The following ZNF142 variants were observed in gnomAD, a reference collection of about 807,000 sequenced individuals.
ZNF142 encodes the protein zinc finger protein 142.
In ZNF142, 96 loss-of-function variants were observed where a neutral mutation model predicts 132.1. The ratio of observed to expected loss-of-function variants is 0.73; its 90% confidence interval spans 0.62 to 0.86. The LOEUF (loss-of-function observed/expected upper bound fraction) is 0.86, where lower values mean the gene tolerates loss of function less well. Ranked by LOEUF, ZNF142 falls within the 40% of genes least tolerant of loss-of-function variation. The probability of loss-of-function intolerance (pLI) is 0.00; values close to 1 mark genes in which losing one functional copy is unlikely to be tolerated. For synonymous variants in ZNF142, 842 were observed against 890.1 expected (o/e 0.95, Z 0.96); for missense variants, 2,163 against 2,336.2 (o/e 0.93, Z 1.53).
intron 10 of ZNF142, among the ~76,000 whole-genome samples, chr2:218,639,451 G>A (rs1696984440): frequency 6.6e-6 from 1 of 152,138 alleles, no homozygotes; most frequent in South Asian, 2.1e-4. Flanking sequence ...TTCCCCATGG[G>A]AAATTATAAC....
At position 218,634,735 on chromosome 2, in the gene ZNF142, A is replaced by G; in HGVS notation, c.*3604T>C. 2 of 1,321,686 alleles carry G rather than the reference A, an allele frequency of 1.5e-6. No homozygotes were observed. The highest frequency in any genetic ancestry group is 2.1e-6 in the Non-Finnish European group (2 of 958,446). 81.9% of individuals were successfully genotyped at this position (1,321,686 alleles called of 1,614,324 possible). A position where few individuals can be genotyped will look rare whatever the true frequency, so the allele number is the denominator to read the frequency against. On this transcript the variant is annotated 3_prime_UTR_variant, in exon 11 of 11. Coordinates refer to ENST00000411696, the MANE Select transcript of ZNF142 (RefSeq NM_001379659.1). The surrounding 1 kb of genome is among the most constrained non-coding windows in gnomAD (Gnocchi z 4.0). ...GAATGTAGAGGCCGGATAGCCTATTAACAGTGTCTAGTTTTAGCTTTTGGA... is the reference window on the plus strand; with the variant it reads ...GAATGTAGAGGCCGGATAGCCTATTGACAGTGTCTAGTTTTAGCTTTTGGA...
chr2:218,642,925 C>T lies in ZNF142; in HGVS notation c.4191G>A (p.Val1397=), dbSNP rs1170965803. The change falls in exon 9 of 11, where the codon GTG becomes GTA. Residue 1397 remains valine (V), a synonymous_variant. Coordinates refer to ENST00000411696, the MANE Select transcript of ZNF142 (RefSeq NM_001379659.1). This position sits in a 1 kb window ranked among gnomAD's most constrained non-coding sequence, Gnocchi z 4.6. ...QQHRRLKHEG[V]KPHQCPFCDF... is the part of the protein sequence containing the mutation. ...CACAGAAGGGGCACTGATGGGGCTT[C>T]ACCCCCTCGTGCTTGAGCCGCCGGT... The T allele has an allele frequency of 1.2e-6, 2 of 1,613,600 alleles. No homozygotes were observed. Among genetic ancestry groups the T allele is most frequent in the Non-Finnish European group, 1.7e-6 (2 of 1,179,964 alleles).
chr2:218,641,111 T>A (rs906301002), intron 9 of ZNF142, among the ~76,000 whole-genome samples: 2 of 151,948 alleles, frequency 1.3e-5, no homozygotes, highest in Non-Finnish European at 2.9e-5. Context: ...ATTAAAAAAA[T>A]TTATTTTTGT....
At chr2:218,640,080 A>AG (rs1697056235) in intron 10 of ZNF142, among the ~76,000 whole-genome samples, 1 of 150,272 alleles carries the variant, frequency 6.7e-6, no homozygotes, top group African/African-American at 2.5e-5. Context: ...AAAAAAAAAA[A>AG]AAAAAAAAAG....
At position 218,644,850 on chromosome 2, in the gene ZNF142, T is replaced by G; in HGVS notation, c.2266A>C (p.Lys756Gln). 1 of 1,614,210 alleles carries G rather than the reference T, an allele frequency of 6.2e-7. No homozygotes were observed. Among genetic ancestry groups the G allele is most frequent in the Non-Finnish European group, 8.5e-7 (1 of 1,180,024 alleles). The change falls in exon 9 of 11, where the codon AAG (lysine) becomes CAG (glutamine). Residue 756 changes from lysine (K) to glutamine (Q), a missense_variant. Around this residue, in one of 7 missense-constraint regions of ZNF142, gnomAD observed 749 missense variants for 830.3 expected, o/e 0.90. Transcript: ENST00000411696. This position sits in a 1 kb window ranked among gnomAD's most constrained non-coding sequence, Gnocchi z 4.6. The part of the protein sequence containing the change: ...CHYCSYQSRH[K>Q]QAVLSHENCK... ...TTCTCATGGCTCAGCACAGCCTGCT[T>G]GTGGCGGCTCTGGTAACTGCAGTAG...
rs1398064570 is a variant in ZNF142 at position 218,643,397 on chromosome 2, G to C, written c.3719C>G (p.Ser1240Cys). ...SCPFLCSRLS[S>C]ITSHVAEGCR... ...GCCTTCAGCCACGTGAGAGGTAATA[G>C]AGGAGAGCCGGGAACAAAGGAATGG... is the stretch of plus-strand genomic sequence containing the variant. Residue 1240 changes from serine to cysteine, a missense_variant, in exon 9 of 11, where the codon TCT (serine) becomes TGT (cysteine). Physicochemically the swap from Ser to Cys is moderately radical, Grantham distance 112. This residue lies in a region of ZNF142 where 809 missense variants were observed against 801.7 expected (regional missense o/e 1.01). Coordinates refer to ENST00000411696, the MANE Select transcript of ZNF142 (RefSeq NM_001379659.1). 1 of 1,614,212 alleles carries C rather than the reference G, an allele frequency of 6.2e-7. No individual in the cohort carries two copies. Among genetic ancestry groups the C allele is most frequent in the East Asian group, 2.2e-5 (1 of 44,876 alleles).
At chr2:218,640,061 CAAAAA>C (rs35136548) in intron 10 of ZNF142, among the ~76,000 whole-genome samples, 9 of 44,330 alleles carry the variant, frequency 2.0e-4, no homozygotes, top group African/African-American at 3.0e-4. Flanking sequence ...GACTCTGTCT[CAAAAA>C]AAAAAAAAAA....
In ZNF142 at chr2:218,642,310, C is replaced by T. The variant is rs371019300; in HGVS notation, c.4806G>A (p.Gln1602=). The change falls in exon 9 of 11, where the codon CAG becomes CAA. Residue 1602 remains glutamine (Q), a synonymous_variant. Transcript: ENST00000411696. This position sits in a 1 kb window ranked among gnomAD's most constrained non-coding sequence, Gnocchi z 4.6. ...CCACGGCTGCTGAAGTCTCCTCATG[C>T]TGTTCCAGGTAGTGCTTTACCAGGC... is the stretch of plus-strand genomic sequence containing the variant. ...RVGLVKHYLE[Q]HEETSAAVAA... 5.0e-6 allele frequency: 8 copies of T among 1,614,044 alleles called. 2 individuals carry two copies. The South Asian group carries it at 8.8e-5, about 18-fold the overall frequency.
At chr2:218,641,480 A>G (rs1017426459) in intron 9 of ZNF142, among the ~76,000 whole-genome samples, 2 of 146,452 alleles carry the variant, frequency 1.4e-5, no homozygotes, top group South Asian at 2.2e-4. Flanking sequence ...TCCTGACCTC[A>G]TGATCCGCCC....
rs1362969237 is a variant in ZNF142 at position 218,638,766 on chromosome 2, T to C, written c.5237A>G (p.Asn1746Ser). 1.9e-6 allele frequency: 3 copies of C among 1,609,010 alleles called. No homozygotes were observed. The highest frequency in any genetic ancestry group is 1.1e-5 in the South Asian group (1 of 91,040). Residue 1746 changes from asparagine to serine, a missense_variant, in exon 11 of 11, where the codon AAC (asparagine) becomes AGC (serine). By Grantham distance (46) the Asn-to-Ser change is conservative (BLOSUM62 1). This residue lies in a region of ZNF142 where 325 missense variants were observed against 367.8 expected (regional missense o/e 0.88). Coordinates refer to ENST00000411696, the MANE Select transcript of ZNF142 (RefSeq NM_001379659.1). ...YQCPECEYCT[N>S]RADALRVHQE... is the part of the protein sequence containing the mutation. Reference sequence around the variant, plus strand: ...GTGCACACGCAGTGCATCAGCCCGGTTGGTGCAGTACTCACACTCGGGACA... The same window carrying C: ...GTGCACACGCAGTGCATCAGCCCGGCTGGTGCAGTACTCACACTCGGGACA...
chr2:218,637,763 AAGGCAGACCT>A lies in ZNF142; in HGVS notation c.*566_*575del, dbSNP rs940524268. Among the ~76,000 whole-genome samples, 3 of 152,196 alleles carry A rather than the reference AAGGCAGACCT, an allele frequency of 2.0e-5. No homozygotes were observed. The highest frequency in any genetic ancestry group is 7.2e-5 in the African/African-American group (3 of 41,464). The stretch of plus-strand genomic sequence containing the variant: ...GTCAAGATGGCTCAAGGACAGGGAG[AAGGCAGACCT>A]AGGCCTGTTTCAGTATCAATACTGA... On this transcript the variant is annotated 3_prime_UTR_variant, in exon 11 of 11. Transcript: ENST00000411696.
At chr2:218,650,285 G>A in intron 6 of ZNF142, 74 bp downstream of exon 6, 3 of 1,586,848 alleles carry the variant, frequency 1.9e-6, no homozygotes, top group Non-Finnish European at 2.6e-6. Flanking sequence ...ACAAACCCCA[G>A]AGCCTCAATG....
rs1440435555 is a variant in ZNF142 at position 218,634,138 on chromosome 2, T to C, written c.*4201A>G. 1.9e-6 allele frequency: 3 copies of C among 1,612,478 alleles called. No homozygotes were observed. The African/African-American group carries it at 4.0e-5, about 22-fold the overall frequency. On this transcript the variant is annotated 3_prime_UTR_variant, in exon 11 of 11. Coordinates refer to ENST00000411696, the MANE Select transcript of ZNF142 (RefSeq NM_001379659.1). This position sits in a 1 kb window ranked among gnomAD's most constrained non-coding sequence, Gnocchi z 4.0. ...TTTGTGCAGCACAATACTTGGCAGT[T>C]AAGCCGTGTGTATCCCAGCGGCCTG...
intron 7 of ZNF142, among the ~76,000 whole-genome samples, chr2:218,648,044 A>G (rs1213399609): frequency 6.6e-6 from 1 of 152,218 alleles, no homozygotes; most frequent in Admixed American, 6.5e-5. Flanking sequence ...TGTCCTGTCA[A>G]TCCACTGATG....
intron 7 of ZNF142, among the ~76,000 whole-genome samples, chr2:218,648,294 A>G (rs372559512): frequency 6.6e-5 from 10 of 152,328 alleles, no homozygotes; most frequent in African/African-American, 2.4e-4. Context: ...CATGAATTGC[A>G]AAGTAAGGTA....
In ZNF142 at chr2:218,652,071, T is replaced by C. The variant is rs183062089; in HGVS notation, c.510A>G (p.Arg170=). The part of the protein sequence containing the change: ...PVSPLSCPVC[R]QEFAQPQALK... Reference sequence around the variant, plus strand: ...GGGCCTGGGGTTGGGCAAACTCCTGTCTACACACAGGGCATGATAGGGGGC... The same window carrying C: ...GGGCCTGGGGTTGGGCAAACTCCTGCCTACACACAGGGCATGATAGGGGGC... Residue 170 remains arginine (R), a synonymous_variant, in exon 5 of 11, where the codon AGA becomes AGG. Coordinates refer to ENST00000411696, the MANE Select transcript of ZNF142 (RefSeq NM_001379659.1). 1.8e-3 allele frequency: 816 copies of C among 460,582 alleles called. 3 individuals are homozygous for C. The highest frequency in any genetic ancestry group is 2.9e-3 in the Non-Finnish European group (667 of 231,030). The allele number at this position is 460,582 out of a possible 1,614,324, so 28.5% of individuals were successfully genotyped here.
In ZNF142 at chr2:218,633,743, C is replaced by T. The variant is rs1272826679; in HGVS notation, c.*4596G>A. The T allele has an allele frequency of 9.3e-6, 15 of 1,613,728 alleles. No individual in the cohort carries two copies. Among genetic ancestry groups the T allele is most frequent in the Middle Eastern group, 1.6e-4 (1 of 6,082 alleles). On this transcript the variant is annotated 3_prime_UTR_variant, in exon 11 of 11. Coordinates refer to ENST00000411696, the MANE Select transcript of ZNF142 (RefSeq NM_001379659.1). ...ATCTTTCTCTGAAACCAAGGCCAAG[C>T]GCCTCATCAAGGAGGCTGGTCAGGA...
chr2:218,646,077 G>A (rs745719471), intron 8 of ZNF142, 94 bp downstream of exon 8: 181 of 1,514,930 alleles, frequency 1.2e-4, no homozygotes, highest in South Asian at 7.7e-4. Flanking sequence ...TCCAGGGACC[G>A]GAGAAAGAAA....
Position 218,648,678 on chromosome 2 carries a change from A to C in ZNF142, c.1830T>G (p.Thr610=), listed in dbSNP as rs745637994. ...GTCGGATGAGCACCCTCTTGTGGGCAGTGGCAAAGTTGCACTCAGGACACT... is the reference window on the plus strand; with the variant it reads ...GTCGGATGAGCACCCTCTTGTGGGCCGTGGCAAAGTTGCACTCAGGACACT... ...IHQCPECNFA[T]AHKRVLIRHM... is the part of the protein sequence containing the mutation. The change falls in exon 7 of 11, where the codon ACT becomes ACG. Residue 610 remains threonine, a synonymous_variant. Transcript: ENST00000411696. 1 of 1,614,268 alleles carries C rather than the reference A, an allele frequency of 6.2e-7. No homozygotes were observed. The highest frequency in any genetic ancestry group is 1.3e-5 in the African/African-American group (1 of 75,080).
Sources: allele counts gnomAD v4.1 joint callset (sites outside exome capture counted in the v4.1 genomes callset), GRCh38; gene constraint gnomAD v4.1.1; regional missense constraint gnomAD v4.1.1; non-coding constraint Gnocchi (gnomAD v3.1); transcripts MANE v1.5; gene names NCBI Gene and HGNC (gene_info 2026-07-23, HGNC 2026-07-21).